RSPO1: variants seen among roughly 807,000 people sequenced by gnomAD.
RSPO1 encodes the protein R-spondin-1.
RSPO1 carries 18 observed loss-of-function variants against 26.0 expected under a neutral mutation model. The observed-to-expected ratio is 0.69, with a 90% CI of 0.48 to 1.03. RSPO1 has a LOEUF of 1.03. Ranked by LOEUF, RSPO1 falls within the 50% of genes least tolerant of loss-of-function variation. The pLI is 0.00. For synonymous variants in RSPO1, 133 were observed against 137.4 expected (o/e 0.97, Z 0.22); for missense variants, 309 against 352.3 (o/e 0.88, Z 0.98).
intron 2 of RSPO1, among the ~76,000 whole-genome samples, chr1:37,630,810 G>A (rs1002438546): frequency 2.0e-5 from 3 of 152,130 alleles, no homozygotes; most frequent in Non-Finnish European, 2.9e-5. Flanking sequence ...CACAGCAGCG[G>A]CCTGCCCACG....
In RSPO1 at chr1:37,629,626, C is replaced by G. The variant is rs777804800; in HGVS notation, c.36G>C (p.Leu12=). 1 of 1,614,170 alleles carries G rather than the reference C, an allele frequency of 6.2e-7. No homozygotes were observed. The highest frequency in any genetic ancestry group is 8.5e-7 in the Non-Finnish European group (1 of 1,180,038). ...RLGLCVVALV[L]SWTHLTISSR... is the part of the protein sequence containing the mutation. ...TGCTGATGGTGAGGTGCGTCCAGCT[C>G]AGAACCAGGGCCACCACACACAGCC... Residue 12 remains leucine (L), a synonymous_variant, in exon 3 of 7, where the codon CTG becomes CTC. Coordinates refer to ENST00000356545, the MANE Select transcript of RSPO1 (RefSeq NM_001242908.2).
rs1425839964 is a variant in RSPO1, at chr1:37,624,608, T to G, written c.94+4960A>C. ...TACGCAAAGCCCTTTTAAGTTGCTG[T>G]GGCTATGATGAGGCACTGCTCCAGG... On this transcript the variant is annotated intron_variant, in intron 3 of 6. Coordinates refer to ENST00000356545, the MANE Select transcript of RSPO1 (RefSeq NM_001242908.2). Among the ~76,000 whole-genome samples, 4 of 152,204 alleles carry G rather than the reference T, an allele frequency of 2.6e-5. No individual in the cohort carries two copies. The East Asian group carries it at 5.8e-4, about 22-fold the overall frequency.
Position 37,629,552 on chromosome 1 carries a change from A to C in RSPO1, c.94+16T>G. 6.2e-7 allele frequency: 1 copy of C among 1,612,520 alleles called. No individual in the cohort carries two copies. The highest frequency in any genetic ancestry group is 1.1e-5 in the South Asian group (1 of 91,038). ...TTCCCAAGGCCAGCTGTGGCCCACC[A>C]TGCTCCATTACTCACTCCGCCTCTG... On this transcript the variant is annotated intron_variant, in intron 3 of 6. Transcript: ENST00000356545.
intron 3 of RSPO1, among the ~76,000 whole-genome samples, chr1:37,618,269 C>G (rs11264075): frequency 0.46 from 69,551 of 152,094 alleles, 17,228 homozygotes; most frequent in East Asian, 0.66. Context: ...GTCCAGGAAC[C>G]AGTGGGTCAA....
chr1:37,611,413 A>C lies in RSPO1; in HGVS notation c.*1342T>G, dbSNP rs574228945. 6.6e-6 allele frequency: 1 copy of C among 152,334 alleles called. No homozygotes were observed. Among genetic ancestry groups the C allele is most frequent in the East Asian group, 1.9e-4 (1 of 5,184 alleles). The allele number at this position is 152,334 out of a possible 1,614,324, so 9.4% of individuals were successfully genotyped here. A position where few individuals can be genotyped will look rare whatever the true frequency, so the allele number is the denominator to read the frequency against. Reference sequence around the variant, plus strand: ...ACTTTCATAGCTAAGCATAGATGCCAGTGGTCACCTGCCCTTGGCACCATC... The same window carrying C: ...ACTTTCATAGCTAAGCATAGATGCCCGTGGTCACCTGCCCTTGGCACCATC... On this transcript the variant is annotated 3_prime_UTR_variant, in exon 7 of 7. Coordinates refer to ENST00000356545, the MANE Select transcript of RSPO1 (RefSeq NM_001242908.2).
chr1:37,615,769 C>T (rs750683893), intron 4 of RSPO1, among the ~76,000 whole-genome samples: 2 of 152,180 alleles, frequency 1.3e-5, no homozygotes, highest in Non-Finnish European at 2.9e-5. Context: ...TGCCTTGGAG[C>T]ATGTGGAGCT....
rs905528187 is a variant in RSPO1 at position 37,611,361 on chromosome 1, G to A, written c.*1394C>T. ...CTCTGAGACACCTCCCTGAGAGAAA[G>A]TATTTTATTTTTATTCTGCTTTATT... On this transcript the variant is annotated 3_prime_UTR_variant, in exon 7 of 7. Transcript: ENST00000356545. 6.6e-6 allele frequency: 1 copy of A among 152,218 alleles called. No individual in the cohort carries two copies. Among genetic ancestry groups the A allele is most frequent in the Admixed American group, 6.5e-5 (1 of 15,282 alleles). 9.4% of individuals were successfully genotyped at this position (152,218 alleles called of 1,614,324 possible). A position where few individuals can be genotyped will look rare whatever the true frequency, so the allele number is the denominator to read the frequency against.
Position 37,629,778 on chromosome 1 carries a change from G to C in RSPO1, c.-117C>G. On this transcript the variant is annotated 5_prime_UTR_variant, in exon 3 of 7. Transcript: ENST00000356545. Reference sequence around the variant, plus strand: ...TCAGCAGCAGGAGGCCCAGGCCTGGGCCGTAGCCCAAATCCACCATAATCT... The same window carrying C: ...TCAGCAGCAGGAGGCCCAGGCCTGGCCCGTAGCCCAAATCCACCATAATCT... 6.4e-7 allele frequency: 1 copy of C among 1,553,350 alleles called. No individual in the cohort carries two copies. The highest frequency in any genetic ancestry group is 8.7e-7 in the Non-Finnish European group (1 of 1,147,932).
chr1:37,620,705 T>C (rs1019906435), intron 3 of RSPO1, among the ~76,000 whole-genome samples: 1 of 151,844 alleles, frequency 6.6e-6, no homozygotes, highest in Non-Finnish European at 1.5e-5. Flanking sequence ...GGTATAATCA[T>C]TGTATGAGCA....
intron 3 of RSPO1, among the ~76,000 whole-genome samples, chr1:37,626,448 C>T (rs527517011): frequency 2.8e-4 from 43 of 152,316 alleles, no homozygotes; most frequent in Non-Finnish European, 8.8e-5. Context: ...TCCCAACTCC[C>T]CGGGGCTGTC....
chr1:37,629,419 C>T, intron 3 of RSPO1, 149 bp downstream of exon 3: 2 of 682,866 alleles, frequency 2.9e-6, no homozygotes, highest in Non-Finnish European at 5.3e-6. Flanking sequence ...CAAACAGGAT[C>T]ATCTACTGAG....
intron 4 of RSPO1, among the ~76,000 whole-genome samples, chr1:37,614,576 C>G (rs183331955): frequency 5.9e-5 from 9 of 152,320 alleles, no homozygotes; most frequent in Admixed American, 5.9e-4. Flanking sequence ...TTGCCACCAT[C>G]AGCCAACTCG....
chr1:37,616,706 G>T, intron 3 of RSPO1, 31 bp from the exon 4 acceptor site: 4 of 1,599,098 alleles, frequency 2.5e-6, no homozygotes, highest in Non-Finnish European at 3.4e-6. Flanking sequence ...TGAGAAGGCG[G>T]CTGTGGAGAG....
intron 2 of RSPO1, among the ~76,000 whole-genome samples, chr1:37,630,325 GCTCTCT>G (rs5773594): frequency 2.0e-5 from 3 of 151,026 alleles, no homozygotes; most frequent in Non-Finnish European, 4.4e-5. Flanking sequence ...TTGAAGAGGA[GCTCTCT>G]CTCTCTCTCT....
intron 1 of RSPO1, among the ~76,000 whole-genome samples, chr1:37,633,772 G>A (rs189879644): frequency 1.3e-5 from 2 of 152,210 alleles, no homozygotes; most frequent in African/African-American, 4.8e-5. Flanking sequence ...CAAGGGCAGC[G>A]GAGGATGGCT....
Position 37,613,005 on chromosome 1 carries a change from G to T in RSPO1, c.626-84C>A. ...TGGCCACAGGCCCTAGGAGGGGAGTGTGAGGAAGCCGGAAGGGGAGGCAGG... is the reference window on the plus strand; with the variant it reads ...TGGCCACAGGCCCTAGGAGGGGAGTTTGAGGAAGCCGGAAGGGGAGGCAGG... On this transcript the variant is annotated intron_variant, in intron 6 of 6. Coordinates refer to ENST00000356545, the MANE Select transcript of RSPO1 (RefSeq NM_001242908.2). This position sits in a 1 kb window ranked among gnomAD's most constrained non-coding sequence, Gnocchi z 4.5. 1.3e-6 allele frequency: 2 copies of T among 1,509,286 alleles called. No homozygotes were observed. Among genetic ancestry groups the T allele is most frequent in the Non-Finnish European group, 9.1e-7 (1 of 1,094,528 alleles). 93.5% of individuals were successfully genotyped at this position (1,509,286 alleles called of 1,614,324 possible).
At chr1:37,628,189 G>GTC (rs113392196) in intron 3 of RSPO1, among the ~76,000 whole-genome samples, 3,378 of 151,150 alleles carry the variant, frequency 0.022, 128 homozygotes, top group African/African-American at 0.079. Context: ...CTCTCTCTCT[G>GTC]TCTCTCTCTC....
At position 37,612,555 on chromosome 1, in the gene RSPO1, A is replaced by G. The variant is rs746905437; in HGVS notation, c.*200T>C. 4.6e-6 allele frequency: 3 copies of G among 647,036 alleles called. No individual in the cohort carries two copies. Among genetic ancestry groups the G allele is most frequent in the Admixed American group, 2.3e-5 (1 of 43,982 alleles). 40.1% of individuals were successfully genotyped at this position (647,036 alleles called of 1,614,324 possible). On this transcript the variant is annotated 3_prime_UTR_variant, in exon 7 of 7. Coordinates refer to ENST00000356545, the MANE Select transcript of RSPO1 (RefSeq NM_001242908.2). ...GTGTGGTGTCTGTGTCTGCGTGTGT[A>G]CATGAACACACATGTGCAAGTATGT...
At chr1:37,627,749 A>G (rs1644300632) in intron 3 of RSPO1, among the ~76,000 whole-genome samples, 2 of 152,222 alleles carry the variant, frequency 1.3e-5, no homozygotes, top group Admixed American at 6.5e-5. Flanking sequence ...TATACATTGC[A>G]TTTCAGCTTC....
Sources: gnomAD v4.1 joint callset for allele counts (sites outside exome capture counted in the v4.1 genomes callset) on GRCh38, gnomAD v4.1.1 for gene constraint, Gnocchi (gnomAD v3.1) non-coding constraint, MANE v1.5 for transcripts, NCBI Gene and HGNC (gene_info 2026-07-23, HGNC 2026-07-21) for gene names.